The following ABI1 variants were observed in gnomAD, a reference collection of about 807,000 sequenced individuals.
ABI1 encodes the protein Abelson interactor 1.
ABI1 carries 14 observed loss-of-function variants against 54.6 expected under a neutral mutation model. The observed-to-expected ratio is 0.26, with a 90% CI of 0.17 to 0.40. The LOEUF (loss-of-function observed/expected upper bound fraction) is 0.40, where lower values mean the gene tolerates loss of function less well. Among genes scored for constraint, ABI1 ranks in the 10% least tolerant of loss-of-function variants. The pLI is 1.00. For missense variants in ABI1, 443 were observed against 598.3 expected (o/e 0.74, Z 2.71); for synonymous variants, 194 against 209.3 (o/e 0.93, Z 0.63).
rs1227534052 is a variant in ABI1, at chr10:26,860,404, G to A, written c.117+343C>T. On this transcript the variant is annotated intron_variant, in intron 1 of 10. Transcript: ENST00000376140. The surrounding 1 kb of genome is among the most constrained non-coding windows in gnomAD (Gnocchi z 4.1). ...CGGGACTCCAGCCCTGCGGACTGGA[G>A]GCTACCTGGGGGGCGCGCGACCCCG... is the stretch of plus-strand genomic sequence containing the variant. Among the ~76,000 whole-genome samples the A allele has an allele frequency of 2.0e-5, 3 of 152,154 alleles. No homozygotes were observed. The highest frequency in any genetic ancestry group is 3.9e-4 in the East Asian group (2 of 5,176).
intron 10 of ABI1, among the ~76,000 whole-genome samples, chr10:26,749,915 CCAAA>C (rs1389403722): frequency 3.3e-5 from 5 of 152,146 alleles, no homozygotes; most frequent in African/African-American, 9.7e-5. Context: ...TGGCTTTATA[CCAAA>C]CAAAGTGTGC....
At chr10:26,857,752 G>T (rs1304552856) in intron 1 of ABI1, among the ~76,000 whole-genome samples, 1 of 151,738 alleles carries the variant, frequency 6.6e-6, no homozygotes, top group East Asian at 1.9e-4. Flanking sequence ...GGGAGGCTGA[G>T]GTGGGAGGAC....
intron 6 of ABI1, among the ~76,000 whole-genome samples, chr10:26,766,797 T>C (rs1840010874): frequency 6.6e-6 from 1 of 152,360 alleles, no homozygotes; most frequent in African/African-American, 2.4e-5. Flanking sequence ...AGAATGTTTT[T>C]TATATTTTTT....
chr10:26,800,105 C>T (rs186135723), intron 2 of ABI1, among the ~76,000 whole-genome samples: 54 of 152,120 alleles, frequency 3.5e-4, no homozygotes, highest in Non-Finnish European at 5.9e-4. Context: ...TGAATCGGGC[C>T]GGGCGCAGTG....
intron 2 of ABI1, among the ~76,000 whole-genome samples, chr10:26,791,068 C>CAAAAAAAA (rs369738380): frequency 3.4e-5 from 2 of 59,134 alleles, no homozygotes; most frequent in African/African-American, 5.8e-5. Context: ...GATTCCGTCT[C>CAAAAAAAA]AAAAAAAAAA....
intron 2 of ABI1, among the ~76,000 whole-genome samples, chr10:26,779,435 CAGGTCTGCTTCATGAAATCTTCCAG>C (rs1228219162): frequency 1.3e-5 from 2 of 152,194 alleles, no homozygotes; most frequent in Non-Finnish European, 2.9e-5. Flanking sequence ...TCAGCCTCAG[CAGGTCTGCTTCATGAAATCTTCCAG>C]ACTAAGATTT....
At chr10:26,842,849 T>A (rs1007760751) in intron 1 of ABI1, among the ~76,000 whole-genome samples, 1 of 151,886 alleles carries the variant, frequency 6.6e-6, no homozygotes, top group Non-Finnish European at 1.5e-5. Context: ...GATCAAACCA[T>A]CCTGGCCAAC....
intron 7 of ABI1, among the ~76,000 whole-genome samples, chr10:26,764,925 C>A (rs571863113): frequency 3.3e-5 from 5 of 152,178 alleles, no homozygotes; most frequent in African/African-American, 1.2e-4. Context: ...TGGAACCAAT[C>A]CCCCATGGAC....
At chr10:26,843,488 A>AAAAG (rs2049741082) in intron 1 of ABI1, among the ~76,000 whole-genome samples, 1 of 36,286 alleles carries the variant, frequency 2.8e-5, no homozygotes. Flanking sequence ...AAAAAAAAAT[A>AAAAG]TATATATATA....
At chr10:26,755,551 T>C (rs1838195374) in intron 9 of ABI1, 104 bp downstream of exon 9, 1 of 877,692 alleles carries the variant, frequency 1.1e-6, no homozygotes, top group South Asian at 1.6e-5. Flanking sequence ...ATTTTCAAGA[T>C]TAGCTTCTCA....
At chr10:26,806,675 G>C (rs1341733567) in intron 2 of ABI1, among the ~76,000 whole-genome samples, 1 of 152,138 alleles carries the variant, frequency 6.6e-6, no homozygotes, top group Non-Finnish European at 1.5e-5. Context: ...TTATATTTAA[G>C]ATAGTTAGAA....
chr10:26,823,385 T>C (rs2048109507), intron 1 of ABI1, 80 bp from the exon 2 acceptor site: 1 of 1,111,804 alleles, frequency 9.0e-7, no homozygotes, highest in Non-Finnish European at 1.2e-6. Flanking sequence ...GGCAAAGTTA[T>C]ATTATTTTAC....
At chr10:26,791,456 G>A (rs899714215) in intron 2 of ABI1, among the ~76,000 whole-genome samples, 1 of 152,130 alleles carries the variant, frequency 6.6e-6, no homozygotes, top group African/African-American at 2.4e-5. Flanking sequence ...TTGATGCCAA[G>A]TCTTTCCAAA....
chr10:26,854,055 G>A (rs10829118), intron 1 of ABI1, among the ~76,000 whole-genome samples: 39,092 of 151,992 alleles, frequency 0.26, 5,725 homozygotes, highest in South Asian at 0.44. Flanking sequence ...CAGATCCCCA[G>A]TTGCCTAAAT....
intron 3 of ABI1, among the ~76,000 whole-genome samples, chr10:26,773,522 T>C (rs1053511690): frequency 6.6e-6 from 1 of 151,976 alleles, no homozygotes; most frequent in Non-Finnish European, 1.5e-5. Context: ...TTCTTTGAAA[T>C]GATTCTTAAC....
rs766192413 is a variant in ABI1, at chr10:26,748,562, A to G, written c.*8T>C. ...TAATAAGAATCTACTTCAAAAGAAA[A>G]AAAAAAATTAATCAGTATAGTGCAT... On this transcript the variant is annotated 3_prime_UTR_variant, in exon 11 of 11. Transcript: ENST00000376140. The G allele has an allele frequency of 6.3e-7, 1 of 1,592,976 alleles. No homozygotes were observed. The highest frequency in any genetic ancestry group is 1.8e-5 in the Admixed American group (1 of 56,832).
chr10:26,781,984 A>G (rs2133003772), intron 2 of ABI1, among the ~76,000 whole-genome samples: 1 of 152,280 alleles, frequency 6.6e-6, no homozygotes, highest in African/African-American at 2.4e-5. Context: ...TCCTAGACTT[A>G]TGAGTCCTGG....
Position 26,827,402 on chromosome 10 carries a change from T to C in ABI1, c.118-4097A>G, listed in dbSNP as rs373906658. ...ACACCTGGATAATTATTTGTATTTTTAGTAGAGATAGGGTTTCACCATGTT... is the reference window on the plus strand; with the variant it reads ...ACACCTGGATAATTATTTGTATTTTCAGTAGAGATAGGGTTTCACCATGTT... On this transcript the variant is annotated intron_variant, in intron 1 of 10. Transcript: ENST00000376140. 9.2e-5 allele frequency among the ~76,000 whole-genome samples: 14 copies of C among 151,842 alleles called. No homozygotes were observed. The East Asian group carries it at 1.9e-3, about 21-fold the overall frequency.
intron 2 of ABI1, among the ~76,000 whole-genome samples, chr10:26,782,240 T>G (rs1007711803): frequency 6.6e-6 from 1 of 152,192 alleles, no homozygotes; most frequent in East Asian, 1.9e-4. Context: ...GTACACCTTT[T>G]ATCACAAAAG....
Sources: gnomAD v4.1 joint callset for allele counts (sites outside exome capture counted in the v4.1 genomes callset) on GRCh38, gnomAD v4.1.1 for gene constraint, Gnocchi (gnomAD v3.1) non-coding constraint, MANE v1.5 for transcripts, NCBI Gene and HGNC (gene_info 2026-07-23, HGNC 2026-07-21) for gene names.